NAALADL2: variants seen among roughly 807,000 people sequenced by gnomAD.
NAALADL2 encodes N-acetylated alpha-linked acidic dipeptidase like 2, also known as inactive N-acetylated-alpha-linked acidic dipeptidase-like protein 2.
A neutral mutation model predicts 87.2 loss-of-function variants in NAALADL2; 76 were observed. The observed-to-expected ratio is 0.87, with a 90% confidence interval of 0.72 to 1.05. NAALADL2 has a LOEUF of 1.05. NAALADL2 is among the 50% of genes least tolerant of loss of function. The pLI, the probability that NAALADL2 is intolerant of heterozygous loss-of-function variation, is 0.00. For synonymous variants in NAALADL2, 354 were observed against 331.0 expected (o/e 1.07, Z -0.75); for missense variants, 1,089 against 945.8 (o/e 1.15, Z -1.99).
At chr3:175,439,027 A>G (rs1268778330) in intron 5 of NAALADL2, among the ~76,000 whole-genome samples, 1 of 152,078 alleles carries the variant, frequency 6.6e-6, no homozygotes, top group Non-Finnish European at 1.5e-5. Context: ...TCAAGTCCCC[A>G]AAGTCCGCTG....
chr3:175,491,701 T>C (rs1728121814), intron 9 of NAALADL2, among the ~76,000 whole-genome samples: 2 of 152,172 alleles, frequency 1.3e-5, no homozygotes, highest in South Asian at 4.1e-4. Flanking sequence ...ACTTTCTAAC[T>C]GGTAGGCCAT....
chr3:174,612,870 G>A (rs1294654287), intron 2 of NAALADL2, among the ~76,000 whole-genome samples: 1 of 151,982 alleles, frequency 6.6e-6, no homozygotes, highest in Admixed American at 6.6e-5. Context: ...TCTGTTTCTG[G>A]GCATTGAAGA....
At chr3:175,559,790 C>A (rs1258412632) in intron 9 of NAALADL2, among the ~76,000 whole-genome samples, 3 of 152,220 alleles carry the variant, frequency 2.0e-5, no homozygotes, top group African/African-American at 7.2e-5. Context: ...GTGAACCCCA[C>A]TTGATCATGA....
At chr3:175,001,707 A>T (rs143490260) in intron 1 of NAALADL2, among the ~76,000 whole-genome samples, 26 of 152,244 alleles carry the variant, frequency 1.7e-4, no homozygotes, top group African/African-American at 5.3e-4. Context: ...GCAAAAGAAA[A>T]TTATTCCACG....
chr3:175,751,017 A>G (rs1412357653), intron 12 of NAALADL2, among the ~76,000 whole-genome samples: 3 of 149,834 alleles, frequency 2.0e-5, no homozygotes, highest in Non-Finnish European at 4.5e-5. Context: ...AGTTAATTTC[A>G]TTTGTCTCAA....
chr3:174,686,844 G>T (rs1285567220), intron 2 of NAALADL2, among the ~76,000 whole-genome samples: 1 of 151,870 alleles, frequency 6.6e-6, no homozygotes, highest in African/African-American at 2.4e-5. Flanking sequence ...AACTATAAAA[G>T]CCCTGGAAAA....
At chr3:174,943,945 G>T (rs1432832240) in intron 1 of NAALADL2, among the ~76,000 whole-genome samples, 1 of 152,118 alleles carries the variant, frequency 6.6e-6, no homozygotes. Flanking sequence ...CTAATGGCCC[G>T]ATAGCTCTGG....
At chr3:174,889,615 G>A (rs1730623105) in intron 1 of NAALADL2, among the ~76,000 whole-genome samples, 1 of 151,316 alleles carries the variant, frequency 6.6e-6, no homozygotes, top group Non-Finnish European at 1.5e-5. Flanking sequence ...AGATGACAGA[G>A]TATTTTATCG....
chr3:175,169,820 C>T (rs920132723), intron 2 of NAALADL2, among the ~76,000 whole-genome samples: 1 of 151,796 alleles, frequency 6.6e-6, no homozygotes, highest in African/African-American at 2.4e-5. Context: ...GGAATAGATA[C>T]CTGGAGACAC....
chr3:175,648,659 A>T (rs1274745991), intron 11 of NAALADL2, among the ~76,000 whole-genome samples: 1 of 152,178 alleles, frequency 6.6e-6, no homozygotes, highest in Non-Finnish European at 1.5e-5. Flanking sequence ...TTTTATTCTC[A>T]GATATGTATT....
chr3:175,163,280 G>A (rs1386526050), intron 2 of NAALADL2, among the ~76,000 whole-genome samples: 1 of 152,018 alleles, frequency 6.6e-6, no homozygotes, highest in East Asian at 1.9e-4. Context: ...GAATAATTAT[G>A]TCTGCTTTTT....
chr3:174,902,337 G>C (rs1426915543), intron 1 of NAALADL2, among the ~76,000 whole-genome samples: 1 of 152,034 alleles, frequency 6.6e-6, no homozygotes, highest in African/African-American at 2.4e-5. Context: ...GAACAGGTTA[G>C]AAATAATGTA....
chr3:175,629,236 T>C (rs1727427268), intron 11 of NAALADL2, among the ~76,000 whole-genome samples: 1 of 148,614 alleles, frequency 6.7e-6, no homozygotes, highest in Non-Finnish European at 1.5e-5. Flanking sequence ...TATATATTCA[T>C]AAACATATAT....
intron 1 of NAALADL2, among the ~76,000 whole-genome samples, chr3:174,915,490 GTT>G (rs1276634684): frequency 2.0e-5 from 3 of 152,094 alleles, no homozygotes; most frequent in African/African-American, 7.2e-5. Context: ...GTAGAGACAG[GTT>G]TTGAGCCCAT....
intron 1 of NAALADL2, among the ~76,000 whole-genome samples, chr3:175,023,177 AAT>A (rs1474964684): frequency 6.6e-6 from 1 of 152,128 alleles, no homozygotes; most frequent in Non-Finnish European, 1.5e-5. Flanking sequence ...GTAGAATACA[AAT>A]ATAGTCTCTC....
intron 2 of NAALADL2, among the ~76,000 whole-genome samples, chr3:175,195,493 G>A (rs900853187): frequency 2.8e-4 from 43 of 151,782 alleles, no homozygotes; most frequent in Admixed American, 2.8e-3. Context: ...TAGACCCAAA[G>A]GAATAAATGG....
intron 2 of NAALADL2, among the ~76,000 whole-genome samples, chr3:175,207,108 G>A (rs1025929895): frequency 5.3e-5 from 8 of 152,084 alleles, no homozygotes; most frequent in Admixed American, 5.2e-4. Flanking sequence ...TGTTATAAAT[G>A]CATTAGAGTA....
In NAALADL2 at chr3:174,811,512, A is replaced by G. The variant is rs117709423; in HGVS notation, c.-9+73766A>G. Among the ~76,000 whole-genome samples the G allele has an allele frequency of 2.9e-3, 448 of 152,246 alleles. 14 individuals carry two copies. In the East Asian group the frequency reaches 0.071, roughly 24 times the overall value. ...ACTTGCATGGGGCATGCAACCCTTA[A>G]CTTGTGGCTGATTTTTCCCTCTTGG... On this transcript the variant is annotated intron_variant, in intron 3 of 3. Transcript: ENST00000434257.
At chr3:175,674,761 A>G (rs1288608329) in intron 11 of NAALADL2, among the ~76,000 whole-genome samples, 1 of 152,194 alleles carries the variant, frequency 6.6e-6, no homozygotes. Flanking sequence ...AGTAAAAAAA[A>G]GACTTAATTT....
Sources: gnomAD v4.1 joint callset for allele counts (sites outside exome capture counted in the v4.1 genomes callset) on GRCh38, gnomAD v4.1.1 for gene constraint, MANE v1.5 for transcripts, NCBI Gene and HGNC (gene_info 2026-07-23, HGNC 2026-07-21) for gene names.